Variants in LARP1 observed in about 807,000 individuals in gnomAD.
LARP1 encodes La ribonucleoprotein 1, translational regulator.
LARP1 carries 36 observed loss-of-function variants against 122.7 expected under a neutral mutation model. The ratio of observed to expected loss-of-function variants is 0.29; its 90% CI spans 0.22 to 0.39. LARP1 has a LOEUF of 0.39. Among genes scored for constraint, LARP1 ranks in the 10% least tolerant of loss-of-function variants. LARP1 has a pLI of 1.00. For synonymous variants in LARP1, 539 were observed against 528.7 expected (o/e 1.02, Z -0.27); for missense variants, 1,040 against 1,403.6 (o/e 0.74, Z 4.14).
chr5:154,735,203 C>T (rs1344435456), intron 1 of LARP1, among the ~76,000 whole-genome samples: 1 of 152,044 alleles, frequency 6.6e-6, no homozygotes, highest in Admixed American at 6.5e-5. Flanking sequence ...GCCTGTTATC[C>T]CAGCACTTTG....
At chr5:154,776,260 C>T (rs1295537886) in intron 1 of LARP1, among the ~76,000 whole-genome samples, 1 of 152,188 alleles carries the variant, frequency 6.6e-6, no homozygotes, top group Non-Finnish European at 1.5e-5. Context: ...CCCTTCAGAA[C>T]CTTCATTCTT....
chr5:154,774,589 A>C (rs921431986), intron 1 of LARP1, among the ~76,000 whole-genome samples: 1 of 152,164 alleles, frequency 6.6e-6, no homozygotes, highest in African/African-American at 2.4e-5. Flanking sequence ...GGGAAGACTT[A>C]ATCTCTTGCA....
chr5:154,796,340 G>A (rs1280635642), intron 8 of LARP1, among the ~76,000 whole-genome samples: 1 of 150,586 alleles, frequency 6.6e-6, no homozygotes, highest in East Asian at 1.9e-4. Context: ...AACATAGCAG[G>A]ACCCTGTCTC....
chr5:154,691,504 G>C (rs1254108245), intron 1 of LARP1, among the ~76,000 whole-genome samples: 3 of 152,186 alleles, frequency 2.0e-5, no homozygotes, highest in Non-Finnish European at 4.4e-5. Context: ...AGGTCGCGGG[G>C]TCCGCGGGTG....
chr5:154,690,621 C>G (rs1476591282), intron 1 of LARP1, among the ~76,000 whole-genome samples: 2 of 152,240 alleles, frequency 1.3e-5, no homozygotes, highest in African/African-American at 4.8e-5. Flanking sequence ...CTCCACGCAC[C>G]CTCCCTGCCT....
upstream of LARP1, among the ~76,000 whole-genome samples, chr5:154,753,935 T>C (rs895781540): frequency 6.6e-6 from 1 of 152,160 alleles, no homozygotes; most frequent in African/African-American, 2.4e-5. Flanking sequence ...ATGGCCAACA[T>C]TCCAGGCTGT....
intron 1 of LARP1, among the ~76,000 whole-genome samples, chr5:154,732,014 C>G (rs1326356123): frequency 7.5e-6 from 1 of 132,804 alleles, no homozygotes; most frequent in Admixed American, 7.9e-5. Context: ...GAGTGAGACT[C>G]CGTCTGAAAA....
chr5:154,692,165 G>A (rs1321005560), intron 1 of LARP1, among the ~76,000 whole-genome samples: 2 of 152,174 alleles, frequency 1.3e-5, no homozygotes, highest in East Asian at 1.9e-4. Context: ...CCCTTAGAAC[G>A]GTGGAGAAGG....
At chr5:154,750,811 C>T (rs1384329863), upstream of LARP1, among the ~76,000 whole-genome samples, 4 of 151,860 alleles carry the variant, frequency 2.6e-5, no homozygotes, top group Admixed American at 6.6e-5. Context: ...CAGGGTCTCA[C>T]TGTGTTGCCC....
In LARP1 at chr5:154,813,968, C is replaced by T. The variant is rs747730302; in HGVS notation, c.3163C>T (p.Pro1055Ser). The T allele has an allele frequency of 6.2e-7, 1 of 1,613,978 alleles. No individual in the cohort carries two copies. Among genetic ancestry groups the T allele is most frequent in the Admixed American group, 1.7e-5 (1 of 60,016 alleles). ...GGGGEGRKRCPSQSSSRPAAM... is the reference protein window; with the variant it reads ...GGGGEGRKRCSSQSSSRPAAM... ...CGGCGGTGAGGGCAGGAAGCGGTGC[C>T]CCTCCCAGTCTTCCAGCAGGCCTGC... is the stretch of plus-strand genomic sequence containing the variant. Residue 1055 changes from proline to serine, a missense_variant, in exon 19 of 19, where the codon CCC becomes TCC. Pro to Ser is a moderately conservative substitution (Grantham distance 74, BLOSUM62 -1). Transcript: ENST00000518297.
chr5:154,715,667 C>T (rs146821766), intron 1 of LARP1, among the ~76,000 whole-genome samples: 1 of 151,996 alleles, frequency 6.6e-6, no homozygotes, highest in Non-Finnish European at 1.5e-5. Flanking sequence ...GGGGTGTGTG[C>T]GAATATTTTT....
At position 154,803,428 on chromosome 5, in the gene LARP1, C is replaced by T. The variant is rs1758502969; in HGVS notation, c.2233+15C>T. ...GTTCCAGCAAGGTGAGAAGCAGACA[C>T]CTGAGATCCTGACATGGGTGAGAGG... On this transcript the variant is annotated intron_variant, in intron 12 of 18. Transcript: ENST00000518297. The surrounding 1 kb of genome is among the most constrained non-coding windows in gnomAD (Gnocchi z 4.4). 1.2e-6 allele frequency: 2 copies of T among 1,614,166 alleles called. No individual in the cohort carries two copies. Among genetic ancestry groups the T allele is most frequent in the South Asian group, 1.1e-5 (1 of 91,074 alleles).
intron 10 of LARP1, among the ~76,000 whole-genome samples, chr5:154,801,154 C>T (rs1037342504): frequency 6.6e-6 from 1 of 152,134 alleles, no homozygotes; most frequent in Non-Finnish European, 1.5e-5. Context: ...ACAAATGCTT[C>T]TCTCTCAGCG....
At chr5:154,738,502 G>A (rs1256211918) in intron 1 of LARP1, among the ~76,000 whole-genome samples, 1 of 152,158 alleles carries the variant, frequency 6.6e-6, no homozygotes, top group African/African-American at 2.4e-5. Flanking sequence ...TGAGGCAGGA[G>A]AATCGCTTGA....
chr5:154,720,936 C>G (rs529195786), intron 1 of LARP1, among the ~76,000 whole-genome samples: 1 of 152,054 alleles, frequency 6.6e-6, no homozygotes, highest in Non-Finnish European at 1.5e-5. Context: ...GGAAAACCAT[C>G]CAATCAGAGA....
intron 1 of LARP1, among the ~76,000 whole-genome samples, chr5:154,703,246 C>G (rs577360829): frequency 6.0e-5 from 9 of 151,052 alleles, no homozygotes; most frequent in Non-Finnish European, 1.2e-4. Flanking sequence ...TTTCTAAGAA[C>G]AGCTGCGCTG....
chr5:154,710,095 G>A (rs1344305578), upstream of LARP1, among the ~76,000 whole-genome samples: 1 of 152,096 alleles, frequency 6.6e-6, no homozygotes, highest in Non-Finnish European at 1.5e-5. Context: ...TGCAAGTGAT[G>A]GGGAGCCGCT....
chr5:154,748,363 A>T (rs1176887858), intron 1 of LARP1, among the ~76,000 whole-genome samples: 1 of 152,228 alleles, frequency 6.6e-6, no homozygotes, highest in Non-Finnish European at 1.5e-5. Flanking sequence ...TAAGTACTCC[A>T]AGGAACACTA....
At chr5:154,739,009 T>A (rs1582247165) in intron 1 of LARP1, among the ~76,000 whole-genome samples, 1 of 150,504 alleles carries the variant, frequency 6.6e-6, no homozygotes, top group African/African-American at 2.4e-5. Flanking sequence ...TACTGGACAG[T>A]TTTTGTTTGT....
Sources: allele counts gnomAD v4.1 joint callset (sites outside exome capture counted in the v4.1 genomes callset), GRCh38; gene constraint gnomAD v4.1.1; non-coding constraint Gnocchi (gnomAD v3.1); transcripts MANE v1.5; gene names NCBI Gene and HGNC (gene_info 2026-07-23, HGNC 2026-07-21).